Variants in CDK19 observed in about 807,000 individuals in gnomAD.
CDK19 encodes cyclin dependent kinase 19.
In CDK19, 20 loss-of-function variants were observed where a neutral mutation model predicts 68.3. The observed-to-expected ratio is 0.29, with a 90% CI of 0.21 to 0.43. The LOEUF (loss-of-function observed/expected upper bound fraction) is 0.43, where lower values mean the gene tolerates loss of function less well. Ranked by LOEUF, CDK19 falls within the 20% of genes least tolerant of loss-of-function variation. The pLI, the probability that CDK19 is intolerant of heterozygous loss-of-function variation, is 1.00. For synonymous variants in CDK19, 221 were observed against 222.8 expected (o/e 0.99, Z 0.07); for missense variants, 339 against 623.5 (o/e 0.54, Z 4.86).
intron 8 of CDK19, among the ~76,000 whole-genome samples, chr6:110,623,910 CG>C (rs1392575822): frequency 1.6e-5 from 2 of 121,940 alleles, no homozygotes; most frequent in South Asian, 5.3e-4. Flanking sequence ...TATATATATA[CG>C]TATATATATA....
At chr6:110,756,284 G>A (rs1040870627) in intron 1 of CDK19, among the ~76,000 whole-genome samples, 23 of 152,178 alleles carry the variant, frequency 1.5e-4, no homozygotes, top group African/African-American at 5.3e-4. Context: ...CAGCTACTCA[G>A]GAGGCTAAGG....
Position 110,788,425 on chromosome 6 carries a change from T to C in CDK19, c.128+26584A>G, listed in dbSNP as rs755343572. ...CTCCTGCCTCAGGTTCCCTAAGTGC[T>C]GGGATTCTAGGCATGAGCCACCACA... On this transcript the variant is annotated intron_variant, in intron 1 of 12. Coordinates refer to ENST00000368911, the MANE Select transcript of CDK19 (RefSeq NM_015076.5). Among the ~76,000 whole-genome samples, 5 of 152,274 alleles carry C rather than the reference T, an allele frequency of 3.3e-5. No individual in the cohort carries two copies. In the East Asian group the frequency reaches 5.8e-4, roughly 18 times the overall value.
chr6:110,814,170 G>C (rs3749865), intron 1 of CDK19: 60,647 of 190,186 alleles, frequency 0.32, 11,097 homozygotes, highest in East Asian at 0.68. Flanking sequence ...TTCGTATTCC[G>C]TTCTTGATAA....
At chr6:110,770,723 C>T (rs896149757) in intron 1 of CDK19, among the ~76,000 whole-genome samples, 2 of 152,032 alleles carry the variant, frequency 1.3e-5, no homozygotes, top group Non-Finnish European at 2.9e-5. Context: ...AAGTCTCATC[C>T]AAGACAAGGT....
chr6:110,641,386 C>T (rs1197850236), intron 4 of CDK19, among the ~76,000 whole-genome samples: 1 of 151,942 alleles, frequency 6.6e-6, no homozygotes, highest in Non-Finnish European at 1.5e-5. Flanking sequence ...CACCTGAGGT[C>T]AGGAGTTCAA....
At chr6:110,765,630 G>A (rs145622127) in intron 1 of CDK19, among the ~76,000 whole-genome samples, 2,825 of 128,124 alleles carry the variant, frequency 0.022, 38 homozygotes, top group Non-Finnish European at 0.034. Context: ...GCAGTGAGTC[G>A]AGATCACACC....
chr6:110,781,294 G>GAGCAAGAAA (rs1421105880), intron 1 of CDK19, among the ~76,000 whole-genome samples: 1 of 151,920 alleles, frequency 6.6e-6, no homozygotes. Context: ...AAGAGAGGAG[G>GAGCAAGAAA]GATATCCCAG....
intron 1 of CDK19, among the ~76,000 whole-genome samples, chr6:110,801,694 G>A (rs1032408521): frequency 6.6e-6 from 1 of 152,094 alleles, no homozygotes. Context: ...TGTATTTTTA[G>A]TACAGACAGG....
chr6:110,625,534 G>C (rs926596335), intron 8 of CDK19, among the ~76,000 whole-genome samples: 4 of 151,922 alleles, frequency 2.6e-5, no homozygotes, highest in African/African-American at 9.7e-5. Context: ...TAACTAGTTT[G>C]GTTTTGAATG....
intron 1 of CDK19, among the ~76,000 whole-genome samples, chr6:110,784,937 A>G (rs1781092389): frequency 1.3e-5 from 2 of 152,140 alleles, no homozygotes; most frequent in Admixed American, 1.3e-4. Context: ...AGCCACAAAA[A>G]GTTGATTAGA....
At chr6:110,720,739 C>T (rs1775804761) in intron 2 of CDK19, among the ~76,000 whole-genome samples, 1 of 151,750 alleles carries the variant, frequency 6.6e-6, no homozygotes, top group South Asian at 2.1e-4. Context: ...TGGTGGTGCA[C>T]ACCTGTAGTC....
Position 110,772,891 on chromosome 6 carries a change from A to C in CDK19, c.129-26690T>G, listed in dbSNP as rs997930711. 2.2e-4 allele frequency among the ~76,000 whole-genome samples: 29 copies of C among 132,966 alleles called. 1 individual carries two copies. In the East Asian group the frequency reaches 2.7e-3, roughly 12 times the overall value. The allele number at this position is 132,966 out of a possible 152,430, so 87.2% of individuals were successfully genotyped here. On this transcript the variant is annotated intron_variant, in intron 1 of 12. Transcript: ENST00000368911. ...CTGGGAAATAGTGAGTCCCTGTCCC[A>C]AAAAAAAAAAAAAAAAGAGAGACTC...
chr6:110,761,031 T>C (rs930354838), intron 1 of CDK19, among the ~76,000 whole-genome samples: 7 of 152,132 alleles, frequency 4.6e-5, no homozygotes, highest in African/African-American at 1.7e-4. Context: ...GGAAAGCAAG[T>C]TAAAGCTGGA....
At chr6:110,753,546 ATT>A (rs373536633) in intron 1 of CDK19, among the ~76,000 whole-genome samples, 84 of 134,294 alleles carry the variant, frequency 6.3e-4, no homozygotes, top group East Asian at 2.4e-3. Flanking sequence ...CCACACCTGG[ATT>A]TTTTTTTTTT....
chr6:110,625,112 CTTTT>C (rs1779005004), intron 8 of CDK19, among the ~76,000 whole-genome samples: 1 of 151,956 alleles, frequency 6.6e-6, no homozygotes, highest in Non-Finnish European at 1.5e-5. Context: ...ATTTTAAAGC[CTTTT>C]TTAGGTGCTC....
At chr6:110,615,384 A>C (rs1443073934) in intron 12 of CDK19, among the ~76,000 whole-genome samples, 1 of 152,254 alleles carries the variant, frequency 6.6e-6, no homozygotes, top group Non-Finnish European at 1.5e-5. Context: ...GTGTAAAAGG[A>C]AAAATCATCT....
chr6:110,741,965 T>C (rs1777711855), intron 2 of CDK19, among the ~76,000 whole-genome samples: 1 of 152,188 alleles, frequency 6.6e-6, no homozygotes, highest in Admixed American at 6.5e-5. Context: ...CTCTATACAG[T>C]AGCTCAAATC....
intron 2 of CDK19, among the ~76,000 whole-genome samples, chr6:110,681,036 G>T (rs1308853107): frequency 1.3e-5 from 2 of 148,946 alleles, no homozygotes. Context: ...AATATAAAGA[G>T]ATATAAATAA....
At chr6:110,705,832 C>T (rs1207252175) in intron 2 of CDK19, among the ~76,000 whole-genome samples, 1 of 152,024 alleles carries the variant, frequency 6.6e-6, no homozygotes, top group Non-Finnish European at 1.5e-5. Context: ...GGGAGGGGAA[C>T]ATCACACACT....
Sources: gnomAD v4.1 joint callset for allele counts (sites outside exome capture counted in the v4.1 genomes callset) on GRCh38, gnomAD v4.1.1 for gene constraint, MANE v1.5 for transcripts, NCBI Gene and HGNC (gene_info 2026-07-23, HGNC 2026-07-21) for gene names.